Variants in CREB3L2 observed in about 807,000 individuals in gnomAD.
CREB3L2 encodes the protein cAMP responsive element binding protein 3 like 2, also known as cyclic AMP-responsive element-binding protein 3-like protein 2.
A neutral mutation model predicts 57.2 loss-of-function variants in CREB3L2; 23 were observed. That is an observed-to-expected ratio of 0.40 (90% confidence interval 0.29 to 0.57). The LOEUF is 0.57. Among genes scored for constraint, CREB3L2 ranks in the 20% least tolerant of loss-of-function variants. The probability of loss-of-function intolerance (pLI) is 0.42; values close to 1 mark genes in which losing one functional copy is unlikely to be tolerated. For missense variants in CREB3L2, 628 were observed against 634.7 expected (o/e 0.99, Z 0.11); for synonymous variants, 268 against 265.1 (o/e 1.01, Z -0.11).
Position 137,957,771 on chromosome 7 carries a change from C to A in CREB3L2, c.103-29405G>T, listed in dbSNP as rs550363718. The A allele has an allele frequency of 1.0e-5, 13 of 1,288,804 alleles. No individual in the cohort carries two copies. The East Asian group carries it at 5.0e-4, about 50-fold the overall frequency. The allele number at this position is 1,288,804 out of a possible 1,614,324, so 79.8% of individuals were successfully genotyped here. A position where few individuals can be genotyped will look rare whatever the true frequency, so the allele number is the denominator to read the frequency against. On this transcript the variant is annotated intron_variant, in intron 1 of 11. Coordinates refer to ENST00000330387, the MANE Select transcript of CREB3L2 (RefSeq NM_194071.4). Reference sequence around the variant, plus strand: ...CCTGTAAGAAAGAAGACTGGCTGTACAAGAAGAGTGGTAAATGCAATGACA... The same window carrying A: ...CCTGTAAGAAAGAAGACTGGCTGTAAAAGAAGAGTGGTAAATGCAATGACA...
At chr7:137,971,474 G>A (rs569811895) in intron 1 of CREB3L2, among the ~76,000 whole-genome samples, 2 of 151,838 alleles carry the variant, frequency 1.3e-5, no homozygotes, top group South Asian at 2.1e-4. Context: ...AATTTTGGAT[G>A]GGGGGAGACA....
At chr7:137,946,720 T>C (rs1279797664) in intron 1 of CREB3L2, among the ~76,000 whole-genome samples, 7 of 144,840 alleles carry the variant, frequency 4.8e-5, no homozygotes, top group Admixed American at 4.2e-4. Context: ...TATATAGTTA[T>C]ATATATATAG....
rs974981930 is a variant in CREB3L2, at chr7:137,931,251, G to A, written c.103-2885C>T. 6.6e-5 allele frequency among the ~76,000 whole-genome samples: 10 copies of A among 152,154 alleles called. No homozygotes were observed. The South Asian group carries it at 1.0e-3, about 16-fold the overall frequency. On this transcript the variant is annotated intron_variant, in intron 1 of 11. Transcript: ENST00000330387. ...TGTCTTTAAAGAAAAGGCCAAGCAC[G>A]GTGGTTCACGCCTGTAATCCCAGCA...
At chr7:137,989,283 G>C (rs540520709) in intron 1 of CREB3L2, among the ~76,000 whole-genome samples, 1 of 152,200 alleles carries the variant, frequency 6.6e-6, no homozygotes, top group African/African-American at 2.4e-5. Context: ...CAGAGACACA[G>C]ACACCGCCCT....
intron 1 of CREB3L2, among the ~76,000 whole-genome samples, chr7:137,967,352 T>C (rs1014366593): frequency 6.6e-6 from 1 of 152,216 alleles, no homozygotes; most frequent in Non-Finnish European, 1.5e-5. Flanking sequence ...GAGCTCATTA[T>C]CGGGACATCA....
intron 8 of CREB3L2, among the ~76,000 whole-genome samples, chr7:137,891,464 G>A (rs1306721517): frequency 6.6e-6 from 1 of 152,050 alleles, no homozygotes; most frequent in Non-Finnish European, 1.5e-5. Flanking sequence ...TGAACATTCA[G>A]GAACCTAATT....
At chr7:137,998,177 C>T (rs1802022373) in intron 1 of CREB3L2, among the ~76,000 whole-genome samples, 1 of 152,142 alleles carries the variant, frequency 6.6e-6, no homozygotes, top group African/African-American at 2.4e-5. Context: ...ACCAAGATGT[C>T]TTCATAACTA....
At chr7:137,935,463 A>G (rs1800759685) in intron 1 of CREB3L2, among the ~76,000 whole-genome samples, 2 of 152,184 alleles carry the variant, frequency 1.3e-5, no homozygotes, top group African/African-American at 4.8e-5. Flanking sequence ...TTGATCTCTC[A>G]TTTCCCTAAA....
intron 1 of CREB3L2, among the ~76,000 whole-genome samples, chr7:137,962,803 C>T (rs1156349597): frequency 3.9e-5 from 6 of 152,188 alleles, no homozygotes; most frequent in Non-Finnish European, 5.9e-5. Context: ...TACAACAGCA[C>T]CCAGAACACA....
rs1039427991 is a variant in CREB3L2, at chr7:137,878,401, G to A, written c.*2075C>T. ...AATCTTATCTTTTTGCCTTCTTTGGGCCCTATAGGCTGCCTATGCCTGATA... is the reference window on the plus strand; with the variant it reads ...AATCTTATCTTTTTGCCTTCTTTGGACCCTATAGGCTGCCTATGCCTGATA... On this transcript the variant is annotated 3_prime_UTR_variant, in exon 12 of 12. Transcript: ENST00000330387. The A allele has an allele frequency of 4.3e-6, 1 of 232,834 alleles. No individual in the cohort carries two copies. Among genetic ancestry groups the A allele is most frequent in the Admixed American group, 5.6e-5 (1 of 17,778 alleles). 14.4% of individuals were successfully genotyped at this position (232,834 alleles called of 1,614,324 possible).
At chr7:137,944,680 C>T (rs1384187392) in intron 1 of CREB3L2, among the ~76,000 whole-genome samples, 1 of 152,126 alleles carries the variant, frequency 6.6e-6, no homozygotes, top group Non-Finnish European at 1.5e-5. Context: ...AAACAAACTG[C>T]TACTGTAGAA....
intron 2 of CREB3L2, 32 bp from the exon 3 acceptor site, chr7:137,916,044 C>A: frequency 6.3e-7 from 1 of 1,589,426 alleles, no homozygotes; most frequent in East Asian, 2.3e-5. Flanking sequence ...CACATGTGAA[C>A]TTGTTCAGGG....
At chr7:137,956,571 T>G in intron 1 of CREB3L2, 2 of 1,287,552 alleles carry the variant, frequency 1.6e-6, no homozygotes, top group Non-Finnish European at 2.0e-6. Context: ...ACTCTCTACC[T>G]TCCATCTTTC....
At position 137,908,433 on chromosome 7, in the gene CREB3L2, G is replaced by GCAGGT; in HGVS notation, c.586_587insACCTG (p.Pro196HisfsTer25). On this transcript the variant is annotated frameshift_variant, in exon 5 of 12. Coordinates refer to ENST00000330387, the MANE Select transcript of CREB3L2 (RefSeq NM_194071.4). LOFTEE classifies it high-confidence loss of function. ...GGGCGGCAAATGCAGGTGGTCCACT[G>GCAGGT]GGGCTGCAAAAAAGGAAGCACATCT... The GCAGGT allele has an allele frequency of 1.6e-6, 2 of 1,263,550 alleles. No individual in the cohort carries two copies. The highest frequency in any genetic ancestry group is 2.0e-6 in the Non-Finnish European group (2 of 996,792). 78.3% of individuals were successfully genotyped at this position (1,263,550 alleles called of 1,614,324 possible).
chr7:137,970,064 T>C (rs1801481636), intron 1 of CREB3L2, among the ~76,000 whole-genome samples: 1 of 152,300 alleles, frequency 6.6e-6, no homozygotes, highest in South Asian at 2.1e-4. Context: ...TAGAAGATCA[T>C]CCAGCTCTGG....
chr7:137,924,295 A>G (rs2117233864), intron 2 of CREB3L2, among the ~76,000 whole-genome samples: 1 of 152,304 alleles, frequency 6.6e-6, no homozygotes, highest in Non-Finnish European at 1.5e-5. Context: ...AGGTCTGTTG[A>G]TAGTCTATAT....
chr7:137,928,101 C>G, intron 2 of CREB3L2, 49 bp downstream of exon 2: 1 of 1,445,760 alleles, frequency 6.9e-7, no homozygotes, highest in East Asian at 2.5e-5. Context: ...CTCAAGAGCT[C>G]AGAACCAAAG....
At chr7:137,897,707 G>A (rs1220363584) in intron 8 of CREB3L2, among the ~76,000 whole-genome samples, 2 of 152,152 alleles carry the variant, frequency 1.3e-5, no homozygotes, top group African/African-American at 2.4e-5. Flanking sequence ...CTGTAGAAAT[G>A]TATGAGAATA....
Position 137,880,271 on chromosome 7 carries a change from TC to T in CREB3L2, c.*204del. On this transcript the variant is annotated 3_prime_UTR_variant, in exon 12 of 12. Transcript: ENST00000330387. This position sits in a 1 kb window ranked among gnomAD's most constrained non-coding sequence, Gnocchi z 4.0. ...GAGAAAGGAAGGGAGGGATGCAGGC[TC>T]CCTTCTGCACAGGAGGGGCATGGAC... 1.7e-6 allele frequency: 1 copy of T among 579,012 alleles called. No individual in the cohort carries two copies. The highest frequency in any genetic ancestry group is 3.1e-6 in the Non-Finnish European group (1 of 319,276). The allele number at this position is 579,012 out of a possible 1,614,324, so 35.9% of individuals were successfully genotyped here.
Sources: gnomAD v4.1 joint callset for allele counts (sites outside exome capture counted in the v4.1 genomes callset) on GRCh38, gnomAD v4.1.1 for gene constraint, Gnocchi (gnomAD v3.1) non-coding constraint, MANE v1.5 for transcripts, NCBI Gene and HGNC (gene_info 2026-07-23, HGNC 2026-07-21) for gene names.